ZNF652: variants seen among roughly 807,000 people sequenced by gnomAD.
ZNF652 encodes zinc finger protein 652.
Under a neutral mutation model 45.2 loss-of-function variants are expected in ZNF652, and 16 were observed. The ratio of observed to expected loss-of-function variants is 0.35; its 90% CI spans 0.24 to 0.54. The LOEUF is 0.54. Among genes scored for constraint, ZNF652 ranks in the 20% least tolerant of loss-of-function variants. ZNF652 has a pLI of 0.91. For synonymous variants in ZNF652, 250 were observed against 260.6 expected (o/e 0.96, Z 0.39); for missense variants, 614 against 765.6 (o/e 0.80, Z 2.34).
At chr17:49,353,883 T>C (rs1033431394) in intron 1 of ZNF652, among the ~76,000 whole-genome samples, 1 of 152,206 alleles carries the variant, frequency 6.6e-6, no homozygotes, top group African/African-American at 2.4e-5. Context: ...TCTGTGGACA[T>C]GTATTAGTAC....
At chr17:49,333,300 G>A (rs972109343) in intron 1 of ZNF652, among the ~76,000 whole-genome samples, 51 of 150,154 alleles carry the variant, frequency 3.4e-4, no homozygotes, top group African/African-American at 1.1e-3. Context: ...CTCGTGATCC[G>A]CCCACCTCGG....
At chr17:49,337,102 G>T (rs1303937290) in intron 1 of ZNF652, among the ~76,000 whole-genome samples, 2 of 151,776 alleles carry the variant, frequency 1.3e-5, no homozygotes, top group African/African-American at 4.8e-5. Flanking sequence ...TGGGAGCCAA[G>T]GTAGGAGGAT....
At chr17:49,324,291 C>G (rs1207970245) in intron 1 of ZNF652, among the ~76,000 whole-genome samples, 2 of 152,224 alleles carry the variant, frequency 1.3e-5, no homozygotes, top group Admixed American at 6.5e-5. Flanking sequence ...GAGTTAGGAC[C>G]TTGTTCTAGC....
rs1468616557 is a variant in ZNF652, at chr17:49,312,695, TACCA to T, written c.1047_1048+2del. 3 of 1,612,060 alleles carry T rather than the reference TACCA, an allele frequency of 1.9e-6. No homozygotes were observed. The highest frequency in any genetic ancestry group is 2.5e-6 in the Non-Finnish European group (3 of 1,179,408). ...GGTATAAGAGAAAAGCAGAAAAACT[TACCA>T]ACCATGTGTTTCCGCACATGAGCCA... On this transcript the variant is annotated splice_donor_variant and coding_sequence_variant, in exon 3 of 6. Coordinates refer to ENST00000430262, the MANE Select transcript of ZNF652 (RefSeq NM_001145365.3). LOFTEE classifies it high-confidence loss of function.
At chr17:49,333,948 A>C (rs546461652) in intron 1 of ZNF652, among the ~76,000 whole-genome samples, 1 of 152,052 alleles carries the variant, frequency 6.6e-6, no homozygotes, top group South Asian at 2.1e-4. Flanking sequence ...AAAATGGTAC[A>C]CTGGAGAACA....
intron 1 of ZNF652, among the ~76,000 whole-genome samples, chr17:49,332,471 C>T (rs747223704): frequency 3.3e-5 from 5 of 152,114 alleles, no homozygotes; most frequent in South Asian, 2.1e-4. Context: ...GTTCCCTCTC[C>T]GATTCTTTTG....
chr17:49,358,581 T>G (rs887180457), intron 1 of ZNF652, among the ~76,000 whole-genome samples: 1 of 152,128 alleles, frequency 6.6e-6, no homozygotes, highest in Admixed American at 6.5e-5. Flanking sequence ...GAGAAAAGGG[T>G]GACTTCAAAA....
chr17:49,358,116 T>A (rs564308386), intron 1 of ZNF652, among the ~76,000 whole-genome samples: 1 of 152,312 alleles, frequency 6.6e-6, no homozygotes, highest in South Asian at 2.1e-4. Context: ...CTAATCCTCA[T>A]AACAAATTCC....
chr17:49,298,601 G>T lies in ZNF652; in HGVS notation c.1633C>A (p.His545Asn), dbSNP rs1423729739. The change falls in exon 6 of 6, where the codon CAC becomes AAC. Residue 545 changes from histidine (H) to asparagine (N), a missense_variant. By Grantham distance (68) the His-to-Asn change is moderately conservative. This residue lies in a region of ZNF652 where 132 missense variants were observed against 137.2 expected (regional missense o/e 0.96). Transcript: ENST00000430262. ...VSTLPPRPIP[H>N]PFSHLHIHPH... is the part of the protein sequence containing the mutation. The stretch of plus-strand genomic sequence containing the variant: ...TGGATGTGCAGGTGTGAGAAGGGGT[G>T]GGGGATGGGCCGAGGGGGAAGAGTG... The T allele has an allele frequency of 6.2e-7, 1 of 1,612,934 alleles. No individual in the cohort carries two copies. The highest frequency in any genetic ancestry group is 1.7e-5 in the Admixed American group (1 of 59,920).
At chr17:49,342,367 A>C (rs1388683565) in intron 1 of ZNF652, among the ~76,000 whole-genome samples, 1 of 152,152 alleles carries the variant, frequency 6.6e-6, no homozygotes, top group Non-Finnish European at 1.5e-5. Context: ...ACTCCAAATT[A>C]AAACATGACC....
In ZNF652 at chr17:49,296,863, TAATCAA is replaced by T. The variant is rs1021597592; in HGVS notation, c.*1544_*1549del. 2 of 152,202 alleles carry T rather than the reference TAATCAA, an allele frequency of 1.3e-5. No individual in the cohort carries two copies. The highest frequency in any genetic ancestry group is 2.9e-5 in the Non-Finnish European group (2 of 68,034). 9.4% of individuals were successfully genotyped at this position (152,202 alleles called of 1,614,324 possible). A position where few individuals can be genotyped will look rare whatever the true frequency, so the allele number is the denominator to read the frequency against. On this transcript the variant is annotated 3_prime_UTR_variant, in exon 6 of 6. Coordinates refer to ENST00000430262, the MANE Select transcript of ZNF652 (RefSeq NM_001145365.3). ...CTGGATAAATATGATCTGTTAAGTG[TAATCAA>T]TACACTAGCCCTTCTGTTCAGCCTT... is the stretch of plus-strand genomic sequence containing the variant.
rs748128062 is a variant in ZNF652, at chr17:49,294,131, A to G, written c.*4282T>C. 6.6e-6 allele frequency among the ~76,000 whole-genome samples: 1 copy of G among 152,170 alleles called. No individual in the cohort carries two copies. The highest frequency in any genetic ancestry group is 1.5e-5 in the Non-Finnish European group (1 of 68,000). ...GAAATAATAATGGAACTAAACATAC[A>G]TATCTATTCAACAATCATAAAAACT... On this transcript the variant is annotated 3_prime_UTR_variant, in exon 6 of 6. Coordinates refer to ENST00000430262, the MANE Select transcript of ZNF652 (RefSeq NM_001145365.3).
At position 49,292,397 on chromosome 17, in the gene ZNF652, T is replaced by C. The variant is rs961667226; in HGVS notation, c.*6016A>G. On this transcript the variant is annotated 3_prime_UTR_variant, in exon 6 of 6. Coordinates refer to ENST00000430262, the MANE Select transcript of ZNF652 (RefSeq NM_001145365.3). The stretch of plus-strand genomic sequence containing the variant: ...CCTCCTTTTCATTACATCCTTCATA[T>C]ATTATGGATCCATCATACATTTTAA... 6.6e-6 allele frequency among the ~76,000 whole-genome samples: 1 copy of C among 152,198 alleles called. No individual in the cohort carries two copies. Among genetic ancestry groups the C allele is most frequent in the Non-Finnish European group, 1.5e-5 (1 of 68,030 alleles).
chr17:49,357,971 G>A (rs889187802), intron 1 of ZNF652, among the ~76,000 whole-genome samples: 1 of 152,220 alleles, frequency 6.6e-6, no homozygotes, highest in African/African-American at 2.4e-5. Flanking sequence ...GCAGATCGCA[G>A]TGCCAGACTT....
chr17:49,351,656 TTTC>T (rs1316837594), intron 1 of ZNF652, among the ~76,000 whole-genome samples: 1 of 152,142 alleles, frequency 6.6e-6, no homozygotes, highest in African/African-American at 2.4e-5. Context: ...CATATTTTTT[TTTC>T]TTCATATTTT....
In ZNF652 at chr17:49,308,550, C is replaced by T. The variant is rs200660393; in HGVS notation, c.1309+2762G>A. On this transcript the variant is annotated intron_variant, in intron 5 of 5. Coordinates refer to ENST00000430262, the MANE Select transcript of ZNF652 (RefSeq NM_001145365.3). Reference sequence around the variant, plus strand: ...GGCATGGTGGCTCATGCCTGTAATCCTAGCACTTTGGGAAGCTGAGGTAGG... The same window carrying T: ...GGCATGGTGGCTCATGCCTGTAATCTTAGCACTTTGGGAAGCTGAGGTAGG... 5.3e-5 allele frequency among the ~76,000 whole-genome samples: 8 copies of T among 152,186 alleles called. No individual in the cohort carries two copies. The East Asian group carries it at 1.4e-3, about 26-fold the overall frequency.
At chr17:49,299,380 T>C (rs2069521609) in intron 5 of ZNF652, among the ~76,000 whole-genome samples, 1 of 152,138 alleles carries the variant, frequency 6.6e-6, no homozygotes, top group South Asian at 2.1e-4. Context: ...AGAAATTTTT[T>C]TTCTTTTTTA....
chr17:49,309,243 G>A (rs2069674160), intron 5 of ZNF652, among the ~76,000 whole-genome samples: 2 of 145,372 alleles, frequency 1.4e-5, no homozygotes, highest in African/African-American at 5.1e-5. Flanking sequence ...TGTAATCCCA[G>A]CACTTTGGGA....
intron 1 of ZNF652, among the ~76,000 whole-genome samples, chr17:49,325,561 T>C (rs1325531076): frequency 1.4e-4 from 22 of 151,958 alleles, no homozygotes. Flanking sequence ...ACTTGCTCCA[T>C]GGATGGTTAC....
Sources: allele counts gnomAD v4.1 joint callset (sites outside exome capture counted in the v4.1 genomes callset), GRCh38; gene constraint gnomAD v4.1.1; regional missense constraint gnomAD v4.1.1; transcripts MANE v1.5; gene names NCBI Gene and HGNC (gene_info 2026-07-23, HGNC 2026-07-21).